CADM2: variants seen among roughly 807,000 people sequenced by gnomAD.
CADM2 encodes immunoglobulin superfamily member 4D.
In CADM2, 12 loss-of-function variants were observed where a neutral mutation model predicts 49.8. That is an observed-to-expected ratio of 0.24 (90% CI 0.15 to 0.39). The LOEUF (loss-of-function observed/expected upper bound fraction) is 0.39. CADM2 is among the 10% of genes least tolerant of loss of function. The pLI is 1.00. For missense variants in CADM2, 378 were observed against 492.3 expected (o/e 0.77, Z 2.20); for synonymous variants, 214 against 175.4 (o/e 1.22, Z -1.74).
intron 1 of CADM2, among the ~76,000 whole-genome samples, chr3:85,365,484 G>A (rs1321821791): frequency 6.6e-6 from 1 of 152,068 alleles, no homozygotes; most frequent in Non-Finnish European, 1.5e-5. Context: ...ATTTCTGTTA[G>A]TAATAGCCTT....
chr3:85,289,298 C>T (rs2043715303), intron 1 of CADM2, among the ~76,000 whole-genome samples: 1 of 152,082 alleles, frequency 6.6e-6, no homozygotes. Flanking sequence ...TTTAATACTA[C>T]CAAATCTCTA....
chr3:85,604,284 G>A (rs1050277502), intron 1 of CADM2, among the ~76,000 whole-genome samples: 11 of 151,844 alleles, frequency 7.2e-5, no homozygotes, highest in Non-Finnish European at 8.8e-5. Context: ...GATCAGTAAC[G>A]TGACTATCAT....
At chr3:85,024,412 T>C (rs2034635824) in intron 1 of CADM2, among the ~76,000 whole-genome samples, 1 of 152,096 alleles carries the variant, frequency 6.6e-6, no homozygotes. Flanking sequence ...TTGATCTGAT[T>C]CTAGAGCTTA....
intron 1 of CADM2, among the ~76,000 whole-genome samples, chr3:85,036,524 G>A (rs911963762): frequency 1.3e-5 from 2 of 151,594 alleles, no homozygotes; most frequent in Non-Finnish European, 2.9e-5. Flanking sequence ...CCACTCAGGA[G>A]ACTAGGATAG....
chr3:85,352,835 T>C (rs2031481727), intron 1 of CADM2, among the ~76,000 whole-genome samples: 1 of 152,102 alleles, frequency 6.6e-6, no homozygotes, highest in African/African-American at 2.4e-5. Flanking sequence ...ATCCATGTGG[T>C]TCTGGTTATT....
intron 7 of CADM2, among the ~76,000 whole-genome samples, chr3:85,950,088 T>C (rs540453539): frequency 2.0e-4 from 30 of 151,352 alleles, no homozygotes; most frequent in Admixed American, 8.6e-4. Context: ...AAAATTTTAA[T>C]AGTCAATAAT....
At chr3:85,843,207 A>G (rs1470509113) in intron 3 of CADM2, among the ~76,000 whole-genome samples, 1 of 152,180 alleles carries the variant, frequency 6.6e-6, no homozygotes, top group Non-Finnish European at 1.5e-5. Context: ...GATTATATTT[A>G]GAATCCATTT....
At chr3:85,947,967 T>A (rs988274706) in intron 7 of CADM2, among the ~76,000 whole-genome samples, 1 of 151,586 alleles carries the variant, frequency 6.6e-6, no homozygotes, top group Non-Finnish European at 1.5e-5. Context: ...AAATATTCAC[T>A]GGAAAACCCT....
At chr3:85,333,009 T>C (rs972157694) in intron 1 of CADM2, among the ~76,000 whole-genome samples, 19 of 152,018 alleles carry the variant, frequency 1.2e-4, no homozygotes, top group African/African-American at 3.9e-4. Context: ...CAATAAGTTA[T>C]TTGTAAACTT....
At chr3:85,143,837 A>C (rs1239021567) in intron 1 of CADM2, among the ~76,000 whole-genome samples, 1 of 152,172 alleles carries the variant, frequency 6.6e-6, no homozygotes, top group Non-Finnish European at 1.5e-5. Flanking sequence ...GCATATTCAT[A>C]GCATGCCGTT....
chr3:86,027,284 TA>T (rs1734013937), intron 8 of CADM2, among the ~76,000 whole-genome samples: 2 of 152,212 alleles, frequency 1.3e-5, no homozygotes, highest in African/African-American at 4.8e-5. Context: ...CTGTTAAATT[TA>T]AAACATATTT....
intron 6 of CADM2, among the ~76,000 whole-genome samples, chr3:85,926,137 AAAATAAATAAATAAATAAATAAAT>A (rs6147941): frequency 1.4e-5 from 2 of 143,580 alleles, no homozygotes; most frequent in Non-Finnish European, 3.0e-5. Context: ...CTCTGTCTCA[AAAATAAATAAATAAATAAATAAAT>A]AAATAAATAA....
At chr3:85,762,254 C>T (rs937922497) in intron 2 of CADM2, among the ~76,000 whole-genome samples, 2 of 152,040 alleles carry the variant, frequency 1.3e-5, no homozygotes, top group Non-Finnish European at 2.9e-5. Flanking sequence ...CAATAGTCCC[C>T]CTTGAGACTC....
At position 85,315,898 on chromosome 3, in the gene CADM2, C is replaced by T. The variant is rs925885709; in HGVS notation, c.61+356230C>T. On this transcript the variant is annotated intron_variant, in intron 1 of 9. Coordinates refer to ENST00000383699, the MANE Select transcript of CADM2 (RefSeq NM_001167675.2). ...GTGAAGATAATTATATATATATTTACGTACACATGCATACACACGCCTATG... is the reference window on the plus strand; with the variant it reads ...GTGAAGATAATTATATATATATTTATGTACACATGCATACACACGCCTATG... Among the ~76,000 whole-genome samples, 7 of 151,940 alleles carry T rather than the reference C, an allele frequency of 4.6e-5. No homozygotes were observed. In the South Asian group the frequency reaches 8.3e-4, roughly 18 times the overall value.
intron 1 of CADM2, among the ~76,000 whole-genome samples, chr3:85,252,558 G>A (rs1000536573): frequency 1.3e-5 from 2 of 151,968 alleles, no homozygotes; most frequent in African/African-American, 4.8e-5. Flanking sequence ...CCTGCATGGT[G>A]CATACTACAT....
At chr3:85,612,858 G>C (rs1420152920) in intron 1 of CADM2, among the ~76,000 whole-genome samples, 2 of 151,690 alleles carry the variant, frequency 1.3e-5, no homozygotes, top group African/African-American at 4.8e-5. Context: ...ACCTATTTAT[G>C]TGTATTTACC....
chr3:85,559,039 T>C (rs953218343), intron 1 of CADM2, among the ~76,000 whole-genome samples: 3 of 152,108 alleles, frequency 2.0e-5, no homozygotes, highest in Admixed American at 6.6e-5. Flanking sequence ...GGCTATGTTA[T>C]TTTTGTTATT....
chr3:85,378,350 GCT>G (rs967947489), intron 1 of CADM2, among the ~76,000 whole-genome samples: 14 of 152,046 alleles, frequency 9.2e-5, no homozygotes, highest in Middle Eastern at 6.8e-3. Flanking sequence ...CCTGCAGGAG[GCT>G]CTCTTTCCAC....
intron 7 of CADM2, among the ~76,000 whole-genome samples, chr3:85,939,468 A>AACACACACAC (rs373804679): frequency 0.12 from 15,835 of 136,840 alleles, 1,199 homozygotes; most frequent in African/African-American, 0.2. Context: ...AGTAAACGAA[A>AACACACACAC]ACACACACAC....
Sources: allele counts gnomAD v4.1 joint callset (sites outside exome capture counted in the v4.1 genomes callset), GRCh38; gene constraint gnomAD v4.1.1; transcripts MANE v1.5; gene names NCBI Gene and HGNC (gene_info 2026-07-23, HGNC 2026-07-21).